The following PRKAR2B variants were observed in gnomAD, a reference collection of about 807,000 sequenced individuals.
The protein encoded by PRKAR2B is protein kinase cAMP-dependent type II regulatory subunit beta, also known as cAMP-dependent protein kinase type II-beta regulatory subunit.
A neutral mutation model predicts 49.9 loss-of-function variants in PRKAR2B; 14 were observed. The ratio of observed to expected loss-of-function variants is 0.28; its 90% CI spans 0.19 to 0.44. The LOEUF (loss-of-function observed/expected upper bound fraction) is 0.44. Among genes scored for constraint, PRKAR2B ranks in the 20% least tolerant of loss-of-function variants. The probability of loss-of-function intolerance (pLI) is 1.00; values close to 1 mark genes in which losing one functional copy is unlikely to be tolerated. For synonymous variants in PRKAR2B, 196 were observed against 197.7 expected, an observed-to-expected ratio of 0.99 and a Z score of 0.07; for missense variants, 393 against 537.9, an observed-to-expected ratio of 0.73 and a Z score of 2.67.
chr7:107,069,598 T>TA, intron 1 of PRKAR2B: 1 of 152,248 alleles, frequency 6.6e-6, no homozygotes, highest in South Asian at 2.1e-4. Context: ...ACCAAGAAGA[T>TA]ACAGAGCTGA....
intron 2 of PRKAR2B, among the ~76,000 whole-genome samples, chr7:107,110,942 G>C (rs1795159030): frequency 6.6e-6 from 1 of 152,198 alleles, no homozygotes; most frequent in African/African-American, 2.4e-5. Context: ...CTCAGCCACA[G>C]AGGGGTAGAG....
intron 2 of PRKAR2B, among the ~76,000 whole-genome samples, chr7:107,079,911 C>A (rs369694641): frequency 6.6e-5 from 10 of 152,052 alleles, no homozygotes; most frequent in Non-Finnish European, 1.3e-4. Context: ...GTGTGTAGAG[C>A]GGTGTGAGAT....
chr7:107,129,353 A>G (rs1288247611), intron 4 of PRKAR2B, among the ~76,000 whole-genome samples: 1 of 152,096 alleles, frequency 6.6e-6, no homozygotes, highest in Non-Finnish European at 1.5e-5. Flanking sequence ...AGTCTCCATT[A>G]CTGGCTTTGA....
chr7:107,103,773 T>G (rs78378435), intron 2 of PRKAR2B, among the ~76,000 whole-genome samples: 1 of 152,234 alleles, frequency 6.6e-6, no homozygotes, highest in Non-Finnish European at 1.5e-5. Flanking sequence ...TCTAGCTGTT[T>G]AAAGAAGTAA....
chr7:107,099,823 A>T (rs573157138), intron 2 of PRKAR2B, among the ~76,000 whole-genome samples: 1 of 151,706 alleles, frequency 6.6e-6, no homozygotes, highest in Non-Finnish European at 1.5e-5. Flanking sequence ...TTTAGTAGAG[A>T]CGGGGTTTCA....
intron 6 of PRKAR2B, among the ~76,000 whole-genome samples, chr7:107,147,124 C>CCATCCTGGCCAA (rs1444383791): frequency 1.3e-5 from 2 of 151,964 alleles, no homozygotes; most frequent in Non-Finnish European, 2.9e-5. Context: ...GAGATCGAGA[C>CCATCCTGGCCAA]CACGGTGAAA....
At chr7:107,092,691 T>A (rs1309165541) in intron 2 of PRKAR2B, among the ~76,000 whole-genome samples, 1 of 152,018 alleles carries the variant, frequency 6.6e-6, no homozygotes, top group Admixed American at 6.6e-5. Flanking sequence ...ATTTAAAAAA[T>A]TTATCTATGT....
intron 4 of PRKAR2B, 114 bp from the exon 5 acceptor site, chr7:107,140,733 A>G: frequency 1.6e-6 from 1 of 641,062 alleles, no homozygotes; most frequent in Non-Finnish European, 2.6e-6. Context: ...ATTTAGTGGT[A>G]GTTATGATTA....
At chr7:107,098,625 T>G (rs1172763252) in intron 2 of PRKAR2B, among the ~76,000 whole-genome samples, 1 of 152,236 alleles carries the variant, frequency 6.6e-6, no homozygotes, top group East Asian at 1.9e-4. Flanking sequence ...TTTTCTGCTC[T>G]GGTTTCTCCC....
At chr7:107,087,216 T>G (rs954392005) in intron 2 of PRKAR2B, among the ~76,000 whole-genome samples, 6 of 123,140 alleles carry the variant, frequency 4.9e-5, no homozygotes, top group African/African-American at 1.7e-4. Flanking sequence ...ACATTTAATG[T>G]TTTTTTTTTC....
intron 2 of PRKAR2B, 82 bp downstream of exon 2, chr7:107,070,398 A>T: frequency 8.2e-7 from 1 of 1,225,366 alleles, no homozygotes; most frequent in Non-Finnish European, 1.2e-6. Flanking sequence ...GGTACAAAGA[A>T]TAATTGCTGT....
At chr7:107,078,834 T>G (rs1259386040) in intron 2 of PRKAR2B, among the ~76,000 whole-genome samples, 1 of 152,188 alleles carries the variant, frequency 6.6e-6, no homozygotes, top group African/African-American at 2.4e-5. Flanking sequence ...TTCCCAGAGT[T>G]CTCTTAGAGC....
intron 2 of PRKAR2B, among the ~76,000 whole-genome samples, chr7:107,073,808 C>A (rs1158396706): frequency 6.6e-6 from 1 of 152,094 alleles, no homozygotes; most frequent in Non-Finnish European, 1.5e-5. Flanking sequence ...CACCTGTAAT[C>A]CCAGCACTTT....
rs555374572 is a variant in PRKAR2B, at chr7:107,109,699, C to T, written c.344-12253C>T. Among the ~76,000 whole-genome samples the T allele has an allele frequency of 5.9e-5, 9 of 152,178 alleles. No homozygotes were observed. In the East Asian group the frequency reaches 9.7e-4, roughly 16 times the overall value. On this transcript the variant is annotated intron_variant, in intron 2 of 10. Coordinates refer to ENST00000265717, the MANE Select transcript of PRKAR2B (RefSeq NM_002736.3). ...ATAGCTACCATACAAACTTTGGTGTCTATCCTACCAGAATTTTTTCATGGA... is the reference window on the plus strand; with the variant it reads ...ATAGCTACCATACAAACTTTGGTGTTTATCCTACCAGAATTTTTTCATGGA...
chr7:107,059,146 G>T (rs1793976536), intron 1 of PRKAR2B, among the ~76,000 whole-genome samples: 1 of 152,128 alleles, frequency 6.6e-6, no homozygotes, highest in African/African-American at 2.4e-5. Flanking sequence ...AAATTAGCCG[G>T]ATGTAATGGC....
At position 107,160,367 on chromosome 7, in the gene PRKAR2B, A is replaced by G. The variant is rs988948226; in HGVS notation, c.*785A>G. The stretch of plus-strand genomic sequence containing the variant: ...ATGTCTTTAAAAATTTGATCTTGAC[A>G]TTTAATGTCACAAAGTTTTGTTTTT... On this transcript the variant is annotated 3_prime_UTR_variant, in exon 11 of 11. Transcript: ENST00000265717. 19 of 152,134 alleles carry G rather than the reference A, an allele frequency of 1.2e-4. No individual in the cohort carries two copies. Among genetic ancestry groups the G allele is most frequent in the African/African-American group, 4.1e-4 (17 of 41,436 alleles). The allele number at this position is 152,134 out of a possible 1,614,324, so 9.4% of individuals were successfully genotyped here.
intron 1 of PRKAR2B, among the ~76,000 whole-genome samples, chr7:107,053,525 A>T (rs1380992915): frequency 7.0e-6 from 1 of 141,892 alleles, no homozygotes; most frequent in Non-Finnish European, 1.5e-5. Flanking sequence ...GATTATAAAG[A>T]GTGTGTGTGT....
intron 2 of PRKAR2B, among the ~76,000 whole-genome samples, chr7:107,100,290 A>T (rs1044065871): frequency 9.2e-5 from 14 of 152,130 alleles, no homozygotes; most frequent in African/African-American, 3.1e-4. Flanking sequence ...CTTGGGCAAT[A>T]GTTTTTTCTA....
intron 2 of PRKAR2B, among the ~76,000 whole-genome samples, chr7:107,078,392 A>G (rs936063074): frequency 6.6e-6 from 1 of 151,990 alleles, no homozygotes; most frequent in Admixed American, 6.6e-5. Flanking sequence ...GGAAGACAGG[A>G]TGGAAGGTGG....
Sources: allele counts gnomAD v4.1 joint callset (sites outside exome capture counted in the v4.1 genomes callset), GRCh38; gene constraint gnomAD v4.1.1; transcripts MANE v1.5; gene names NCBI Gene and HGNC (gene_info 2026-07-23, HGNC 2026-07-21).